Variants in TRIO observed in about 807,000 individuals in gnomAD.
TRIO encodes triple functional domain protein.
TRIO carries 58 observed loss-of-function variants against 351.9 expected under a neutral mutation model. The ratio of observed to expected loss-of-function variants is 0.16; its 90% CI spans 0.13 to 0.21. The LOEUF (loss-of-function observed/expected upper bound fraction) is 0.21. TRIO is among the 10% of genes least tolerant of loss of function. TRIO has a pLI of 1.00. For missense variants in TRIO, 3,201 were observed against 4,027.8 expected, an observed-to-expected ratio of 0.79 and a Z score of 5.56; for synonymous variants, 1,758 against 1,595.7, an observed-to-expected ratio of 1.10 and a Z score of -2.42.
chr5:14,166,313 G>T lies in TRIO; in HGVS notation c.157+22431G>T, dbSNP rs143624664. Among the ~76,000 whole-genome samples, 16 of 152,306 alleles carry T rather than the reference G, an allele frequency of 1.1e-4. No individual in the cohort carries two copies. In the East Asian group the frequency reaches 2.9e-3, roughly 28 times the overall value. ...CTCAGTCGTCCCGTCACTTAGTGGGGTCTCTTGACACTTAATTCTCTTACT... is the reference window on the plus strand; with the variant it reads ...CTCAGTCGTCCCGTCACTTAGTGGGTTCTCTTGACACTTAATTCTCTTACT... On this transcript the variant is annotated intron_variant, in intron 1 of 56. Coordinates refer to ENST00000344204, the MANE Select transcript of TRIO (RefSeq NM_007118.4).
At chr5:14,202,293 G>GTTTTTTTTTTTTTTTTTTTTTT (rs1561196197) in intron 1 of TRIO, among the ~76,000 whole-genome samples, 1 of 34,350 alleles carries the variant, frequency 2.9e-5, no homozygotes, top group Non-Finnish European at 6.2e-5. Context: ...ATATTTTTGT[G>GTTTTTTTTTTTTTTTTTTTTTT]ATTTTTTTTT....
intron 1 of TRIO, among the ~76,000 whole-genome samples, chr5:14,169,549 CTT>C (rs959864688): frequency 6.6e-6 from 1 of 152,176 alleles, no homozygotes; most frequent in African/African-American, 2.4e-5. Context: ...ATTGTCAAGT[CTT>C]TGGTGTTCTT....
At chr5:14,495,793 C>T (rs1469963602) in intron 49 of TRIO, among the ~76,000 whole-genome samples, 1 of 151,820 alleles carries the variant, frequency 6.6e-6, no homozygotes, top group African/African-American at 2.4e-5. Flanking sequence ...AGTGAAACCC[C>T]ATCTCTACTA....
intron 34 of TRIO, among the ~76,000 whole-genome samples, chr5:14,441,886 G>A (rs753231640): frequency 1.1e-4 from 17 of 152,188 alleles, no homozygotes; most frequent in Non-Finnish European, 1.8e-4. Context: ...GTATTCAAGG[G>A]AGTGTCTGTG....
intron 1 of TRIO, among the ~76,000 whole-genome samples, chr5:14,240,073 C>T (rs752585250): frequency 6.6e-6 from 1 of 152,216 alleles, no homozygotes; most frequent in Non-Finnish European, 1.5e-5. Flanking sequence ...GACTTTCCTT[C>T]CTTTGCAACC....
At position 14,372,246 on chromosome 5, in the gene TRIO, G is replaced by C. The variant is rs559488376; in HGVS notation, c.3217-1983G>C. The stretch of plus-strand genomic sequence containing the variant: ...CGATGGTGGGGGAAGAAAGAGAGGC[G>C]GGGGTGTGAGAGAGAGAGAGAGAGA... On this transcript the variant is annotated intron_variant, in intron 18 of 56. Coordinates refer to ENST00000344204, the MANE Select transcript of TRIO (RefSeq NM_007118.4). 9.3e-3 allele frequency among the ~76,000 whole-genome samples: 843 copies of C among 90,670 alleles called. 1 individual carries two copies. The highest frequency in any genetic ancestry group is 0.017 in the Non-Finnish European group (697 of 40,880). The allele number at this position is 90,670 out of a possible 152,430, so 59.5% of individuals were successfully genotyped here. A position where few individuals can be genotyped will look rare whatever the true frequency, so the allele number is the denominator to read the frequency against.
At chr5:14,471,242 G>A (rs898021734) in intron 37 of TRIO, 76 bp from the exon 38 acceptor site, 2 of 1,430,606 alleles carry the variant, frequency 1.4e-6, no homozygotes, top group Non-Finnish European at 9.3e-7. Context: ...CTGACTTTGG[G>A]TATTTTCTTG....
intron 43 of TRIO, 91 bp downstream of exon 43, chr5:14,480,102 G>A (rs1450054207): frequency 1.7e-6 from 2 of 1,186,222 alleles, no homozygotes; most frequent in Non-Finnish European, 2.5e-6. Context: ...TGGTAGGACA[G>A]GGGAATCATC....
intron 1 of TRIO, among the ~76,000 whole-genome samples, chr5:14,171,392 G>A (rs754002788): frequency 2.6e-5 from 4 of 152,162 alleles, no homozygotes; most frequent in Non-Finnish European, 5.9e-5. Context: ...GTTTTTCAGT[G>A]TTTGAAAGAC....
intron 1 of TRIO, among the ~76,000 whole-genome samples, chr5:14,252,352 C>G (rs543024320): frequency 9.2e-5 from 14 of 152,198 alleles, no homozygotes; most frequent in Admixed American, 3.9e-4. Context: ...GCAGGCTTGC[C>G]ACCTTCTTGG....
rs745463248 is a variant in TRIO at position 14,488,203 on chromosome 5, C to A, written c.7575C>A (p.Arg2525=). ...CGGCCCCTGGCAAGGATACTGACCG[C>A]ATGAGCACGTGCTCCTCGGCCAGCG... is the stretch of plus-strand genomic sequence containing the variant. ...RHAAPGKDTD[R]MSTCSSASEQ... Residue 2525 remains arginine (R), a synonymous_variant, in exon 48 of 57, where the codon CGC becomes CGA. Transcript: ENST00000344204. 13 of 1,596,254 alleles carry A rather than the reference C, an allele frequency of 8.1e-6. No homozygotes were observed. The Admixed American group carries it at 1.0e-4, about 12-fold the overall frequency.
At position 14,143,670 on chromosome 5, in the gene TRIO, G is replaced by C; in HGVS notation, c.-56G>C. 1.1e-6 allele frequency: 1 copy of C among 909,844 alleles called. No individual in the cohort carries two copies. The highest frequency in any genetic ancestry group is 1.3e-6 in the Non-Finnish European group (1 of 764,906). 56.4% of individuals were successfully genotyped at this position (909,844 alleles called of 1,614,324 possible). ...AGGCCCGGCGCGGAGCGGGCGGCACGCGGCGCTAGGGGCGCGGGGCCCGAG... is the reference window on the plus strand; with the variant it reads ...AGGCCCGGCGCGGAGCGGGCGGCACCCGGCGCTAGGGGCGCGGGGCCCGAG... On this transcript the variant is annotated 5_prime_UTR_variant, in exon 1 of 57. Coordinates refer to ENST00000344204, the MANE Select transcript of TRIO (RefSeq NM_007118.4).
intron 1 of TRIO, among the ~76,000 whole-genome samples, chr5:14,231,563 A>G (rs1360465961): frequency 2.0e-5 from 3 of 152,186 alleles, no homozygotes; most frequent in Non-Finnish European, 2.9e-5. Flanking sequence ...TCTCCTTAGC[A>G]CGTTCATTGC....
intron 35 of TRIO, among the ~76,000 whole-genome samples, chr5:14,462,298 G>C (rs1753887874): frequency 6.6e-6 from 1 of 152,328 alleles, no homozygotes; most frequent in African/African-American, 2.4e-5. Flanking sequence ...AGTGAGAATA[G>C]AGGAAAAGAA....
At chr5:14,465,793 CA>C in intron 37 of TRIO, 153 bp downstream of exon 37, 1 of 749,954 alleles carries the variant, frequency 1.3e-6, no homozygotes, top group Admixed American at 2.2e-5. Flanking sequence ...CCCTCGGGTT[CA>C]CTGATTTGAA....
Position 14,143,665 on chromosome 5 carries a change from G to A in TRIO, c.-61G>A. ...CCGCCAGGCCCGGCGCGGAGCGGGC[G>A]GCACGCGGCGCTAGGGGCGCGGGGC... On this transcript the variant is annotated 5_prime_UTR_variant, in exon 1 of 57. Transcript: ENST00000344204. 2 of 865,100 alleles carry A rather than the reference G, an allele frequency of 2.3e-6. No homozygotes were observed. Among genetic ancestry groups the A allele is most frequent in the East Asian group, 1.2e-4 (1 of 8,024 alleles). The allele number at this position is 865,100 out of a possible 1,614,324, so 53.6% of individuals were successfully genotyped here. A position where few individuals can be genotyped will look rare whatever the true frequency, so the allele number is the denominator to read the frequency against.
intron 12 of TRIO, among the ~76,000 whole-genome samples, 172 bp from the exon 13 acceptor site, chr5:14,359,185 C>T (rs1403955212): frequency 2.0e-5 from 3 of 152,360 alleles, no homozygotes; most frequent in Middle Eastern, 6.8e-3. Context: ...AGGATTGCCC[C>T]GAGGAGGAAG....
chr5:14,488,593 G>T (rs2126643005), intron 48 of TRIO: 2 of 488,352 alleles, frequency 4.1e-6, no homozygotes, highest in South Asian at 3.5e-5. Context: ...TTTTTTGGAG[G>T]GTTCCTTTTC....
intron 21 of TRIO, among the ~76,000 whole-genome samples, chr5:14,385,365 G>A (rs976678623): frequency 3.9e-5 from 6 of 152,228 alleles, no homozygotes; most frequent in Non-Finnish European, 7.3e-5. Context: ...GTGGAGAGAC[G>A]TTAACTTACG....
Sources: allele counts gnomAD v4.1 joint callset (sites outside exome capture counted in the v4.1 genomes callset), GRCh38; gene constraint gnomAD v4.1.1; transcripts MANE v1.5; gene names NCBI Gene and HGNC (gene_info 2026-07-23, HGNC 2026-07-21).